The following GRK3 variants were observed in gnomAD, a reference collection of about 807,000 sequenced individuals.
GRK3 encodes adrenergic, beta, receptor kinase 2.
A neutral mutation model predicts 95.7 loss-of-function variants in GRK3; 54 were observed. The ratio of observed to expected loss-of-function variants is 0.56; its 90% confidence interval spans 0.45 to 0.71. The LOEUF is 0.71. Ranked by LOEUF, GRK3 falls within the 30% of genes least tolerant of loss-of-function variation. The pLI, the probability that GRK3 is intolerant of heterozygous loss-of-function variation, is 0.00. For missense variants in GRK3, 649 were observed against 851.2 expected (o/e 0.76, Z 2.96); for synonymous variants, 281 against 290.8 (o/e 0.97, Z 0.34).
At chr22:25,599,571 G>C (rs1382057547) in intron 1 of GRK3, among the ~76,000 whole-genome samples, 1 of 143,338 alleles carries the variant, frequency 7.0e-6, no homozygotes, top group Non-Finnish European at 1.5e-5. Context: ...CAGCCTAGGT[G>C]ACAGAGCGAG....
At position 25,687,963 on chromosome 22, in the gene GRK3, G is replaced by A. The variant is rs189312294; in HGVS notation, c.957+296G>A. Among the ~76,000 whole-genome samples the A allele has an allele frequency of 1.7e-3, 255 of 152,276 alleles. 2 individuals carry two copies. The highest frequency in any genetic ancestry group is 7.7e-4 in the East Asian group (4 of 5,188). ...TAATGAAAAGCAATTTAGGCCAGGT[G>A]CGGTGGCTCATGCCTGTAATCCCAG... On this transcript the variant is annotated intron_variant, in intron 11 of 20. Transcript: ENST00000324198.
chr22:25,685,781 T>TA (rs1472832725), intron 10 of GRK3, among the ~76,000 whole-genome samples: 1 of 152,022 alleles, frequency 6.6e-6, no homozygotes, highest in African/African-American at 2.4e-5. Flanking sequence ...AGCTTTCTGA[T>TA]ACTAGAAGGT....
chr22:25,627,721 CA>C (rs977344461), intron 2 of GRK3, among the ~76,000 whole-genome samples: 1 of 152,222 alleles, frequency 6.6e-6, no homozygotes, highest in African/African-American at 2.4e-5. Flanking sequence ...GTCAGGGAGA[CA>C]AATGAGGAAC....
At chr22:25,673,370 GT>G (rs67291660) in intron 7 of GRK3, among the ~76,000 whole-genome samples, 36,060 of 150,260 alleles carry the variant, frequency 0.24, 8,264 homozygotes, top group African/African-American at 0.6. Flanking sequence ...CAGGAGTTTT[GT>G]TTTTTTTAAA....
chr22:25,625,566 C>T (rs113410061), intron 2 of GRK3, among the ~76,000 whole-genome samples: 2 of 152,042 alleles, frequency 1.3e-5, no homozygotes, highest in East Asian at 1.9e-4. Context: ...AGTCTCCCTT[C>T]CCCCGGGGAA....
chr22:25,600,556 A>G (rs1214212241), intron 1 of GRK3, among the ~76,000 whole-genome samples: 3 of 152,248 alleles, frequency 2.0e-5, no homozygotes, highest in Admixed American at 1.3e-4. Flanking sequence ...CCAATACAGT[A>G]TAACAACTAT....
intron 3 of GRK3, among the ~76,000 whole-genome samples, chr22:25,655,162 G>C (rs2084861197): frequency 6.6e-6 from 1 of 152,054 alleles, no homozygotes; most frequent in African/African-American, 2.4e-5. Context: ...TTTGTACATT[G>C]TATTTCCACT....
At chr22:25,591,921 C>G (rs547869714) in intron 1 of GRK3, among the ~76,000 whole-genome samples, 1 of 152,310 alleles carries the variant, frequency 6.6e-6, no homozygotes, top group African/African-American at 2.4e-5. Context: ...TTGACCATCA[C>G]AGATAAAGCT....
chr22:25,721,688 G>A (rs1300569061), intron 20 of GRK3, among the ~76,000 whole-genome samples: 3 of 151,994 alleles, frequency 2.0e-5, no homozygotes, highest in Non-Finnish European at 2.9e-5. Flanking sequence ...AAGATTTTTC[G>A]GCATGTTCGA....
At chr22:25,687,846 C>T (rs994478004) in intron 11 of GRK3, among the ~76,000 whole-genome samples, 179 bp downstream of exon 11, 4 of 152,140 alleles carry the variant, frequency 2.6e-5, no homozygotes, top group Non-Finnish European at 2.9e-5. Flanking sequence ...GGGGACGGAG[C>T]GCATGTCTGT....
At chr22:25,613,194 A>G (rs2084511920) in intron 2 of GRK3, among the ~76,000 whole-genome samples, 1 of 151,582 alleles carries the variant, frequency 6.6e-6, no homozygotes, top group Admixed American at 6.6e-5. Flanking sequence ...GGGAACTGTT[A>G]TCCTGGGAAC....
At chr22:25,678,769 C>A in intron 8 of GRK3, 47 bp from the exon 9 acceptor site, 2 of 1,160,708 alleles carry the variant, frequency 1.7e-6, no homozygotes, top group South Asian at 1.4e-5. Context: ...TTAAATTAGT[C>A]TAGATATATT....
chr22:25,665,048 C>T (rs761181967), intron 5 of GRK3, among the ~76,000 whole-genome samples: 4 of 152,090 alleles, frequency 2.6e-5, no homozygotes, highest in Admixed American at 1.3e-4. Context: ...GTCCCAGGGC[C>T]GTAGCTGGAG....
At chr22:25,597,619 G>T (rs2084380954) in intron 1 of GRK3, among the ~76,000 whole-genome samples, 1 of 152,080 alleles carries the variant, frequency 6.6e-6, no homozygotes, top group South Asian at 2.1e-4. Flanking sequence ...ACCCCAAGCA[G>T]GGTAAAGGTA....
At chr22:25,605,307 G>A (rs1347949428) in intron 2 of GRK3, among the ~76,000 whole-genome samples, 1 of 152,198 alleles carries the variant, frequency 6.6e-6, no homozygotes, top group Non-Finnish European at 1.5e-5. Context: ...ATTTCATCCT[G>A]CTCCTCAGGA....
rs139363888 is a variant in GRK3 at position 25,711,081 on chromosome 22, T to G, written c.1409T>G (p.Leu470Trp). The G allele has an allele frequency of 5.6e-6, 9 of 1,613,052 alleles. No individual in the cohort carries two copies. Among genetic ancestry groups the G allele is most frequent in the African/African-American group, 1.3e-5 (1 of 74,888 alleles). ...TGGATCTTCCAGTACCCACCACCCT[T>G]GATTCCTCCCCGGGGAGAAGTCAAT... is the stretch of plus-strand genomic sequence containing the variant. ...HVYLQKYPPPLIPPRGEVNAA... is the reference protein window; with the variant it reads ...HVYLQKYPPPWIPPRGEVNAA... Residue 470 changes from leucine (L) to tryptophan (W), a missense_variant, in exon 17 of 21, where the codon TTG becomes TGG. Physicochemically the swap from Leu to Trp is moderately conservative, Grantham distance 61 (BLOSUM62 -2). This residue lies in a region of GRK3 where 382 missense variants were observed against 493.8 expected (regional missense o/e 0.77). Coordinates refer to ENST00000324198, the MANE Select transcript of GRK3 (RefSeq NM_005160.4).
At chr22:25,699,920 G>A (rs1196116181) in intron 13 of GRK3, among the ~76,000 whole-genome samples, 2 of 152,072 alleles carry the variant, frequency 1.3e-5, no homozygotes, top group Admixed American at 1.3e-4. Context: ...GGATGGTCCC[G>A]ATCTCCTGAT....
chr22:25,610,257 G>A lies in GRK3; in HGVS notation c.190+5804G>A, dbSNP rs577306789. On this transcript the variant is annotated intron_variant, in intron 2 of 20. Transcript: ENST00000324198. Reference sequence around the variant, plus strand: ...GCAGGAGGATCACTTGAGGCCAGACGTTTGAGACCAGCCTGGGCAACACAG... The same window carrying A: ...GCAGGAGGATCACTTGAGGCCAGACATTTGAGACCAGCCTGGGCAACACAG... Among the ~76,000 whole-genome samples the A allele has an allele frequency of 2.6e-5, 4 of 152,224 alleles. No homozygotes were observed. The East Asian group carries it at 5.8e-4, about 22-fold the overall frequency.
chr22:25,696,958 G>A (rs2085213979), intron 13 of GRK3, among the ~76,000 whole-genome samples: 1 of 152,228 alleles, frequency 6.6e-6, no homozygotes, highest in Admixed American at 6.5e-5. Flanking sequence ...TCCCCTATGA[G>A]ATGCTGTTCT....
Sources: allele counts gnomAD v4.1 joint callset (sites outside exome capture counted in the v4.1 genomes callset), GRCh38; gene constraint gnomAD v4.1.1; regional missense constraint gnomAD v4.1.1; transcripts MANE v1.5; gene names NCBI Gene and HGNC (gene_info 2026-07-23, HGNC 2026-07-21).